The following LIN37 variants were observed in gnomAD, a reference collection of about 807,000 sequenced individuals.
LIN37 encodes lin-37 DREAM MuvB core complex component, also known as protein lin-37 homolog.
In LIN37, 21 loss-of-function variants were observed where a neutral mutation model predicts 38.0. That is an observed-to-expected ratio of 0.55 (90% CI 0.39 to 0.80). The LOEUF (loss-of-function observed/expected upper bound fraction) is 0.80. Ranked by LOEUF, LIN37 falls within the 30% of genes least tolerant of loss-of-function variation. The pLI is 0.00. For missense variants in LIN37, 273 were observed against 338.5 expected (o/e 0.81, Z 1.52); for synonymous variants, 126 against 122.9 (o/e 1.03, Z -0.17).
chr19:35,749,619 C>A (rs547175956), intron 1 of LIN37, among the ~76,000 whole-genome samples: 1 of 145,486 alleles, frequency 6.9e-6, no homozygotes, highest in African/African-American at 2.6e-5. Context: ...CATAGCGAAA[C>A]GCTGTCTCTA....
At chr19:35,752,737 C>A in intron 3 of LIN37, 67 bp from the exon 4 acceptor site, 1 of 1,567,752 alleles carries the variant, frequency 6.4e-7, no homozygotes, top group Non-Finnish European at 8.7e-7. Context: ...ATACCAGTAT[C>A]CCCAGGGTGC....
rs774625507 is a variant in LIN37 at position 35,752,165 on chromosome 19, T to C, written c.35-11T>C. ...GGGAGCTGACTCCTGCTGGGTCCTC[T>C]CTTGCCCCAGAGCTGGAGATGGCCA... On this transcript the variant is annotated splice_polypyrimidine_tract_variant and intron_variant, in intron 1 of 8. Transcript: ENST00000301159. The C allele has an allele frequency of 1.1e-5, 17 of 1,588,602 alleles. No individual in the cohort carries two copies. In the East Asian group the frequency reaches 3.9e-4, roughly 36 times the overall value.
chr19:35,752,106 C>T, intron 1 of LIN37, 70 bp from the exon 2 acceptor site: 2 of 1,249,982 alleles, frequency 1.6e-6, no homozygotes, highest in East Asian at 5.1e-5. Context: ...ACGCCCTTCC[C>T]TGGCCCAGTC....
chr19:35,752,304 G>C (rs1970690004), intron 2 of LIN37, 53 bp downstream of exon 2: 1 of 1,580,644 alleles, frequency 6.3e-7, no homozygotes, highest in South Asian at 1.1e-5. Context: ...TGGGCCCTCT[G>C]ATCCTGGGTG....
chr19:35,754,252 G>C lies in LIN37; in HGVS notation c.592G>C (p.Glu198Gln), dbSNP rs747584367. 3.7e-6 allele frequency: 6 copies of C among 1,613,910 alleles called. No homozygotes were observed. The Admixed American group carries it at 1.0e-4, about 27-fold the overall frequency. ...MQGTPDDEPS[E>Q]PEPSPSTLIY... ...GGCCTGTCTGTCCATGCAGCCCTCT[G>C]AGCCCGAGCCCTCACCCTCCACACT... The change falls in exon 8 of 9, where the codon GAG (glutamate) becomes CAG (glutamine). Residue 198 changes from glutamate to glutamine, a missense_variant. Transcript: ENST00000301159.
In LIN37 at chr19:35,754,064, G is replaced by A. The variant is rs753060147; in HGVS notation, c.492G>A (p.Pro164=). 30 of 1,613,728 alleles carry A rather than the reference G, an allele frequency of 1.9e-5. No individual in the cohort carries two copies. The highest frequency in any genetic ancestry group is 2.0e-5 in the Non-Finnish European group (24 of 1,179,874). ...NSKSRDVYKL[P]PPTPPGPPGD... ...AGAGTCGTGATGTGTACAAGCTGCC[G>A]CCACCCACACCCCCGGGGCCACCCG... Residue 164 remains proline, a synonymous_variant, in exon 7 of 9, where the codon CCG becomes CCA. Transcript: ENST00000301159.
chr19:35,750,939 A>T (rs1277700703), intron 1 of LIN37, among the ~76,000 whole-genome samples: 14 of 146,336 alleles, frequency 9.6e-5, no homozygotes, highest in East Asian at 6.3e-4. Flanking sequence ...CCAGCCTGGG[A>T]GACAGAGCAA....
rs771960307 is a variant in LIN37, at chr19:35,754,157, G to C, written c.585G>C (p.Glu195Asp). The change falls in exon 7 of 9, where the codon GAG (glutamate) becomes GAC (aspartate). Residue 195 changes from glutamate to aspartate, a missense_variant and splice_region_variant. Physicochemically the swap from Glu to Asp is conservative, Grantham distance 45 (BLOSUM62 2). Transcript: ENST00000301159. Reference sequence around the variant, plus strand: ...AGATGCAGGGCACCCCTGACGATGAGGTGAGTATGCCAGGCTGGCCCAGGG... The same window carrying C: ...AGATGCAGGGCACCCCTGACGATGACGTGAGTATGCCAGGCTGGCCCAGGG... Reference protein sequence around the residue: ...QPEMQGTPDDEPSEPEPSPST... With the variant: ...QPEMQGTPDDDPSEPEPSPST... The C allele has an allele frequency of 6.2e-7, 1 of 1,614,016 alleles. No individual in the cohort carries two copies. Among genetic ancestry groups the C allele is most frequent in the Non-Finnish European group, 8.5e-7 (1 of 1,179,884 alleles).
chr19:35,754,005 T>C lies in LIN37; in HGVS notation c.445-12T>C, dbSNP rs747396381. The C allele has an allele frequency of 1.9e-6, 3 of 1,611,376 alleles. No individual in the cohort carries two copies. Among genetic ancestry groups the C allele is most frequent in the East Asian group, 4.5e-5 (2 of 44,824 alleles). ...CTCTCTTGGGCCTGGCATGGGGCCCTTGTGTCCCCAGGGCTCAGAGGTAAC... is the reference window on the plus strand; with the variant it reads ...CTCTCTTGGGCCTGGCATGGGGCCCCTGTGTCCCCAGGGCTCAGAGGTAAC... On this transcript the variant is annotated splice_polypyrimidine_tract_variant and intron_variant, in intron 6 of 8. Transcript: ENST00000301159.
At chr19:35,753,576 G>C in intron 6 of LIN37, 1 of 521,520 alleles carries the variant, frequency 1.9e-6, no homozygotes, top group Non-Finnish European at 3.5e-6. Context: ...GTGGCCACCA[G>C]GCCTTGAGGA....
At chr19:35,753,622 G>A in intron 6 of LIN37, 1 of 492,654 alleles carries the variant, frequency 2.0e-6, no homozygotes, top group South Asian at 2.2e-5. Flanking sequence ...GAGTCTATAA[G>A]CCATCTGACC....
chr19:35,751,195 C>A (rs1970677949), intron 1 of LIN37, among the ~76,000 whole-genome samples: 1 of 151,790 alleles, frequency 6.6e-6, no homozygotes, highest in Non-Finnish European at 1.5e-5. Context: ...GTGGCGGGCG[C>A]CTGTAATCCC....
intron 8 of LIN37, 36 bp downstream of exon 8, chr19:35,754,355 C>T: frequency 1.2e-6 from 2 of 1,613,900 alleles, no homozygotes; most frequent in South Asian, 1.1e-5. Context: ...CCTCGTAGGG[C>T]CCTTTGCAAC....
intron 6 of LIN37, chr19:35,753,767 C>G (rs976233882): frequency 5.2e-6 from 3 of 576,260 alleles, no homozygotes. Context: ...CAGGCAGACG[C>G]GACTCCCTGG....
rs1970719813 is a variant in LIN37 at position 35,754,112 on chromosome 19, C to G, written c.540C>G (p.Ile180Met). Reference protein sequence around the residue: ...GPPGDACRSRIPSPLQPEMQG... With the variant: ...GPPGDACRSRMPSPLQPEMQG... ...CCGGAGATGCCTGCAGATCCCGCATCCCATCTCCACTGCAGCCTGAGATGC... is the reference window on the plus strand; with the variant it reads ...CCGGAGATGCCTGCAGATCCCGCATGCCATCTCCACTGCAGCCTGAGATGC... The change falls in exon 7 of 9, where the codon ATC (isoleucine) becomes ATG (methionine). Residue 180 changes from isoleucine (I) to methionine (M), a missense_variant. Physicochemically the swap from Ile to Met is conservative, Grantham distance 10 (BLOSUM62 1). Coordinates refer to ENST00000301159, the MANE Select transcript of LIN37 (RefSeq NM_019104.3). 6.2e-7 allele frequency: 1 copy of G among 1,614,008 alleles called. No individual in the cohort carries two copies. The highest frequency in any genetic ancestry group is 1.3e-5 in the African/African-American group (1 of 75,064).
In LIN37 at chr19:35,748,662, A is replaced by C. The variant is rs1970634609; in HGVS notation, c.-63A>C. On this transcript the variant is annotated 5_prime_UTR_variant, in exon 1 of 9. Coordinates refer to ENST00000301159, the MANE Select transcript of LIN37 (RefSeq NM_019104.3). ...ACTGTCCCCGCCTTCTCCCGCCTTG[A>C]CTTGTGACCCTAGGCCCTTTGGGGC... 5.0e-6 allele frequency: 8 copies of C among 1,608,858 alleles called. No individual in the cohort carries two copies. In the Admixed American group the frequency reaches 1.3e-4, roughly 27 times the overall value.
At chr19:35,753,600 A>G (rs1243611566) in intron 6 of LIN37, 7 of 503,406 alleles carry the variant, frequency 1.4e-5, no homozygotes, top group Non-Finnish European at 2.5e-5. Flanking sequence ...GGGGCTGGGC[A>G]GGAATGGATG....
intron 1 of LIN37, 166 bp downstream of exon 1, chr19:35,748,924 C>T (rs1970640568): frequency 1.3e-6 from 2 of 1,525,388 alleles, no homozygotes; most frequent in Non-Finnish European, 1.8e-6. Context: ...TTCACACCCT[C>T]CCGGTGTGCG....
At chr19:35,753,319 G>T (rs1239107994) in intron 6 of LIN37, 66 bp downstream of exon 6, 2 of 1,514,668 alleles carry the variant, frequency 1.3e-6, no homozygotes, top group Non-Finnish European at 1.8e-6. Flanking sequence ...TAGGCTCAAA[G>T]GATCCTGCCC....
Sources: gnomAD v4.1 joint callset for allele counts (sites outside exome capture counted in the v4.1 genomes callset) on GRCh38, gnomAD v4.1.1 for gene constraint, MANE v1.5 for transcripts, NCBI Gene and HGNC (gene_info 2026-07-23, HGNC 2026-07-21) for gene names.